Variants in NLRP2 observed in about 807,000 individuals in gnomAD.
NLRP2 encodes the protein NLR family pyrin domain containing 2, also known as NACHT, LRR and PYD domains-containing protein 2.
In NLRP2, 107 loss-of-function variants were observed where a neutral mutation model predicts 97.2. The ratio of observed to expected loss-of-function variants is 1.10; its 90% CI spans 0.94 to 1.29. The LOEUF is 1.29. Among genes scored for constraint, NLRP2 ranks in the 50% most tolerant of loss-of-function variants. NLRP2 has a pLI of 0.00. For missense variants in NLRP2, 1,495 were observed against 1,330.3 expected (o/e 1.12, Z -1.93); for synonymous variants, 663 against 551.5 (o/e 1.20, Z -2.83).
chr19:54,994,254 G>A lies in NLRP2; in HGVS notation c.2709-15G>A. 2 of 1,613,868 alleles carry A rather than the reference G, an allele frequency of 1.2e-6. No individual in the cohort carries two copies. The highest frequency in any genetic ancestry group is 1.7e-5 in the Admixed American group (1 of 59,996). On this transcript the variant is annotated splice_polypyrimidine_tract_variant and intron_variant, in intron 10 of 12. Coordinates refer to ENST00000448584, the MANE Select transcript of NLRP2 (RefSeq NM_017852.5). ...ACAGGTTCGGGTTTGCTTTCTTCCT[G>A]TGGTTGATTTCTAGGCTTTGGAACT...
At chr19:54,984,342 T>G (rs1320458981) in intron 6 of NLRP2, among the ~76,000 whole-genome samples, 1 of 145,262 alleles carries the variant, frequency 6.9e-6, no homozygotes, top group Non-Finnish European at 1.5e-5. Flanking sequence ...TTTTTTTTTT[T>G]TTTTTTTTTT....
At chr19:54,976,749 A>G (rs1389006457) in intron 3 of NLRP2, 1 of 423,966 alleles carries the variant, frequency 2.4e-6, no homozygotes, top group African/African-American at 2.2e-5. Flanking sequence ...CCATGGACTC[A>G]CCTCTTCATT....
intron 3 of NLRP2, among the ~76,000 whole-genome samples, chr19:54,974,843 AGGCTGAAGTGCAGTGGTACGACCTC>A (rs1264203907): frequency 6.6e-6 from 1 of 152,106 alleles, no homozygotes; most frequent in Non-Finnish European, 1.5e-5. Context: ...TCTGTCACCT[AGGCTGAAGTGCAGTGGTACGACCTC>A]GGCTGACTGC....
chr19:54,966,760 C>A (rs1426497359), intron 1 of NLRP2, among the ~76,000 whole-genome samples: 1 of 148,830 alleles, frequency 6.7e-6, no homozygotes, highest in African/African-American at 2.5e-5. Context: ...GTTGGCCAGG[C>A]TGGTCTCAGT....
intron 12 of NLRP2, 108 bp from the exon 13 acceptor site, chr19:55,000,652 A>G: frequency 1.8e-6 from 2 of 1,115,228 alleles, no homozygotes; most frequent in Non-Finnish European, 2.7e-6. Flanking sequence ...TAATCAGGAA[A>G]GGTGACCCAT....
rs1242090027 is a variant in NLRP2, at chr19:54,985,524, A to G, written c.2201+307A>G. Among the ~76,000 whole-genome samples the G allele has an allele frequency of 2.0e-5, 3 of 151,880 alleles. No homozygotes were observed. The East Asian group carries it at 5.8e-4, about 29-fold the overall frequency. On this transcript the variant is annotated intron_variant, in intron 7 of 12. Transcript: ENST00000448584. ...AAAACCCTGCCTCTACTAAAAATAC[A>G]AAAATTATCCAGGCGTGGTGGCAGG...
chr19:54,999,041 C>CGGGGCGGCTGGCCGGGTGGGGGGCTG (rs1305371061), intron 12 of NLRP2, among the ~76,000 whole-genome samples: 2 of 147,730 alleles, frequency 1.4e-5, no homozygotes, highest in Non-Finnish European at 1.5e-5. Context: ...CCCTCCCGGA[C>CGGGGCGGCTGGCCGGGTGGGGGGCTG]AGGGCGGCTG....
rs61735085 is a variant in NLRP2 at position 54,983,378 on chromosome 19, C to T, written c.1680C>T (p.Leu560=). The T allele has an allele frequency of 9.0e-5, 146 of 1,614,202 alleles. No individual in the cohort carries two copies. The African/African-American group carries it at 1.6e-3, about 18-fold the overall frequency. ...AAGCAGGCTACTACTCCTTTGGCCT[C>T]GCTAACGAGAAGAGAGCCAAGGAGT... ...LIQAGYYSFG[L]ANEKRAKELE... Residue 560 remains leucine (L), a synonymous_variant, in exon 6 of 13, where the codon CTC becomes CTT. Coordinates refer to ENST00000448584, the MANE Select transcript of NLRP2 (RefSeq NM_017852.5).
At chr19:54,974,572 T>C (rs1412561013) in intron 3 of NLRP2, 28 bp downstream of exon 3, 1 of 1,462,456 alleles carries the variant, frequency 6.8e-7, no homozygotes, top group African/African-American at 1.4e-5. Flanking sequence ...TAACTTTTAT[T>C]CTTCATGTGA....
chr19:54,972,218 G>A (rs1021770220), intron 2 of NLRP2, among the ~76,000 whole-genome samples: 13 of 151,782 alleles, frequency 8.6e-5, no homozygotes, highest in Non-Finnish European at 1.6e-4. Context: ...GTCTCACTCT[G>A]TCACCCAGGA....
At chr19:54,997,897 T>G (rs1009274162) in intron 12 of NLRP2, among the ~76,000 whole-genome samples, 3 of 151,882 alleles carry the variant, frequency 2.0e-5, no homozygotes, top group Admixed American at 6.6e-5. Context: ...TAGGTAGGTT[T>G]ATAAGCATGA....
chr19:54,990,250 C>A, intron 9 of NLRP2, 58 bp downstream of exon 9: 1 of 1,553,152 alleles, frequency 6.4e-7, no homozygotes, highest in Non-Finnish European at 8.9e-7. Flanking sequence ...CACAGACGAG[C>A]AATGGTCATG....
intron 3 of NLRP2, among the ~76,000 whole-genome samples, chr19:54,975,674 G>A (rs35121332): frequency 0.19 from 28,426 of 151,566 alleles, 3,081 homozygotes; most frequent in Non-Finnish European, 0.25. Flanking sequence ...GGATGGTCTC[G>A]ATCTCCTGAC....
chr19:54,982,244 C>G lies in NLRP2; in HGVS notation c.546C>G (p.Val182=). 6.2e-7 allele frequency: 1 copy of G among 1,614,058 alleles called. No homozygotes were observed. The highest frequency in any genetic ancestry group is 1.1e-5 in the South Asian group (1 of 91,064). ...GCTGGCCTGGAGATAGCAAAGAGGT[C>G]CAGGTTATGGCTGAGAGATACAAGA... ...WKSWPGDSKE[V]QVMAERYKML... The change falls in exon 6 of 13, where the codon GTC becomes GTG. Residue 182 remains valine, a synonymous_variant. Transcript: ENST00000448584.
intron 6 of NLRP2, among the ~76,000 whole-genome samples, chr19:54,984,329 GTTTTTTTTTTTT>G (rs200366059): frequency 6.3e-5 from 5 of 79,676 alleles, no homozygotes; most frequent in African/African-American, 1.8e-4. Context: ...TTTTTTTTGT[GTTTTTTTTTTTT>G]TTTTTTTTTT....
At chr19:54,988,929 G>A (rs1018402165) in intron 8 of NLRP2, among the ~76,000 whole-genome samples, 2 of 152,020 alleles carry the variant, frequency 1.3e-5, no homozygotes, top group Admixed American at 1.3e-4. Context: ...CAGTACTTTG[G>A]GAGGCCTAGG....
intron 3 of NLRP2, among the ~76,000 whole-genome samples, chr19:54,975,480 C>T (rs2071167716): frequency 7.1e-6 from 1 of 141,548 alleles, no homozygotes; most frequent in Admixed American, 7.1e-5. Context: ...GAGATAGAGT[C>T]TCTCTCTGTT....
At position 54,975,376 on chromosome 19, in the gene NLRP2, C is replaced by A. The variant is rs185327457; in HGVS notation, c.325+832C>A. ...AACTCAATCAGTCCTCCTGCCTCAC[C>A]CTCCCAAACTGCTGGGGTACAGGTG... is the stretch of plus-strand genomic sequence containing the variant. On this transcript the variant is annotated intron_variant, in intron 3 of 12. Coordinates refer to ENST00000448584, the MANE Select transcript of NLRP2 (RefSeq NM_017852.5). Among the ~76,000 whole-genome samples the A allele has an allele frequency of 4.2e-4, 61 of 145,548 alleles. 2 individuals are homozygous for A. Among genetic ancestry groups the A allele is most frequent in the Middle Eastern group, 6.9e-3 (2 of 288 alleles).
intron 6 of NLRP2, among the ~76,000 whole-genome samples, chr19:54,984,837 C>G (rs1049537130): frequency 1.3e-5 from 2 of 152,044 alleles, no homozygotes; most frequent in African/African-American, 4.8e-5. Flanking sequence ...TATTTTTACC[C>G]TCTATTGGAT....
Sources: gnomAD v4.1 joint callset for allele counts (sites outside exome capture counted in the v4.1 genomes callset) on GRCh38, gnomAD v4.1.1 for gene constraint, MANE v1.5 for transcripts, NCBI Gene and HGNC (gene_info 2026-07-23, HGNC 2026-07-21) for gene names.